Variants in KCND3 observed in about 807,000 individuals in gnomAD.
The protein encoded by KCND3 is potassium voltage-gated channel subfamily D member 3.
KCND3 carries 9 observed loss-of-function variants against 51.1 expected under a neutral mutation model. The ratio of observed to expected loss-of-function variants is 0.18; its 90% CI spans 0.11 to 0.31. KCND3 has a LOEUF of 0.31. Ranked by LOEUF, KCND3 falls within the 10% of genes least tolerant of loss-of-function variation. The pLI is 1.00. For missense variants in KCND3, 526 were observed against 903.8 expected (o/e 0.58, Z 5.36); for synonymous variants, 349 against 368.0 (o/e 0.95, Z 0.59).
chr1:111,809,966 C>A (rs1271232443), intron 2 of KCND3, among the ~76,000 whole-genome samples: 1 of 152,184 alleles, frequency 6.6e-6, no homozygotes, highest in Non-Finnish European at 1.5e-5. Flanking sequence ...TAGCCCCCTC[C>A]TGGGCTCTAA....
At chr1:111,858,114 C>T (rs1668169135) in intron 2 of KCND3, among the ~76,000 whole-genome samples, 1 of 152,194 alleles carries the variant, frequency 6.6e-6, no homozygotes, top group Non-Finnish European at 1.5e-5. Flanking sequence ...TGTGGCTGCC[C>T]AAGTTAGTGA....
intron 2 of KCND3, among the ~76,000 whole-genome samples, chr1:111,947,600 G>C (rs1252997761): frequency 6.6e-6 from 1 of 152,184 alleles, no homozygotes; most frequent in Non-Finnish European, 1.5e-5. Context: ...CAACACATGA[G>C]ACCATGTGTT....
intron 2 of KCND3, among the ~76,000 whole-genome samples, chr1:111,971,484 G>GGGC (rs1474587378): frequency 6.6e-6 from 1 of 152,152 alleles, no homozygotes; most frequent in African/African-American, 2.4e-5. Context: ...TTCCTACTGG[G>GGGC]GGCAGGTGCC....
intron 2 of KCND3, among the ~76,000 whole-genome samples, chr1:111,882,979 C>T (rs1669404079): frequency 6.6e-6 from 1 of 152,194 alleles, no homozygotes; most frequent in Admixed American, 6.5e-5. Context: ...CTTCCAGGCA[C>T]CTTCCTCGAG....
intron 2 of KCND3, among the ~76,000 whole-genome samples, chr1:111,896,682 A>G (rs904130073): frequency 1.3e-5 from 2 of 152,186 alleles, no homozygotes; most frequent in African/African-American, 4.8e-5. Flanking sequence ...GTGTGTTTAA[A>G]ATGCTGTACA....
chr1:111,778,016 T>C (rs76635535), intron 6 of KCND3, among the ~76,000 whole-genome samples: 2,691 of 152,170 alleles, frequency 0.018, 82 homozygotes, highest in African/African-American at 0.061. Context: ...ATCTATGGCA[T>C]TGATGGTCTG....
intron 2 of KCND3, among the ~76,000 whole-genome samples, chr1:111,845,692 GC>G (rs1312327126): frequency 6.6e-6 from 1 of 152,176 alleles, no homozygotes; most frequent in African/African-American, 2.4e-5. Flanking sequence ...CCTGTGAGGT[GC>G]TTCTATTATT....
chr1:111,846,418 TCTGCTG>T (rs55653915), intron 2 of KCND3, among the ~76,000 whole-genome samples: 19 of 150,828 alleles, frequency 1.3e-4, no homozygotes, highest in East Asian at 5.9e-4. Context: ...CATGACACTC[TCTGCTG>T]CTGCTGCTGC....
chr1:111,886,605 G>T (rs1433033435), intron 2 of KCND3, among the ~76,000 whole-genome samples: 1 of 152,202 alleles, frequency 6.6e-6, no homozygotes, highest in Non-Finnish European at 1.5e-5. Context: ...CCATGCAAAG[G>T]CTGCTTTGTG....
chr1:111,883,794 G>T (rs181983439), intron 2 of KCND3, among the ~76,000 whole-genome samples: 1 of 152,266 alleles, frequency 6.6e-6, no homozygotes, highest in East Asian at 1.9e-4. Context: ...TCTGATATTG[G>T]TGCTAGGATA....
At chr1:111,804,258 A>T (rs913224983) in intron 2 of KCND3, among the ~76,000 whole-genome samples, 10 of 152,236 alleles carry the variant, frequency 6.6e-5, no homozygotes, top group African/African-American at 2.2e-4. Flanking sequence ...CCCTGGCAGC[A>T]TGCTCTCCTT....
chr1:111,819,765 A>G (rs187875175), intron 2 of KCND3, among the ~76,000 whole-genome samples: 2 of 152,322 alleles, frequency 1.3e-5, no homozygotes, highest in East Asian at 3.9e-4. Context: ...AAGGTCTCCC[A>G]GCACCTGTCA....
intron 2 of KCND3, among the ~76,000 whole-genome samples, chr1:111,849,021 C>T (rs1667689911): frequency 1.3e-5 from 2 of 152,146 alleles, no homozygotes; most frequent in African/African-American, 4.8e-5. Flanking sequence ...TCCTCTCCTT[C>T]TCCCCCGCCG....
At chr1:111,867,748 T>C (rs1340315596) in intron 2 of KCND3, among the ~76,000 whole-genome samples, 1 of 152,192 alleles carries the variant, frequency 6.6e-6, no homozygotes, top group East Asian at 1.9e-4. Context: ...GGCACCTTGA[T>C]AGAGGTGAAG....
intron 2 of KCND3, among the ~76,000 whole-genome samples, chr1:111,793,552 A>G (rs1664932822): frequency 6.6e-6 from 1 of 152,222 alleles, no homozygotes; most frequent in Non-Finnish European, 1.5e-5. Flanking sequence ...TGTTTGTTGA[A>G]TGTATGAGTT....
rs1456549452 is a variant in KCND3, at chr1:111,780,724, C to T, written c.1337G>A (p.Arg446His). The change falls in exon 4 of 8, where the codon CGC (arginine) becomes CAC (histidine). Residue 446 changes from arginine to histidine, a missense_variant. Physicochemically the swap from Arg to His is conservative, Grantham distance 29 (BLOSUM62 0). Coordinates refer to ENST00000302127, the MANE Select transcript of KCND3 (RefSeq NM_001378969.1). The surrounding 1 kb of genome is among the most constrained non-coding windows in gnomAD (Gnocchi z 4.2). The part of the protein sequence containing the change: ...GSSNAYLHSK[R>H]NGLLNEALEL... ...CAGCGCCTCGTTGAGGAGCCCGTTG[C>T]GCTTGCTGTGCAGGTATGCATTCGA... is the stretch of plus-strand genomic sequence containing the variant. 13 of 1,612,832 alleles carry T rather than the reference C, an allele frequency of 8.1e-6. No individual in the cohort carries two copies. Among genetic ancestry groups the T allele is most frequent in the East Asian group, 4.5e-5 (2 of 44,874 alleles).
At chr1:111,938,448 G>A in intron 2 of KCND3, among the ~76,000 whole-genome samples, 1 of 152,188 alleles carries the variant, frequency 6.6e-6, no homozygotes, top group Non-Finnish European at 1.5e-5. Context: ...AAGCAGTGAA[G>A]TCCCTGCTTT....
At chr1:111,986,497 CA>C (rs1391874747) in intron 1 of KCND3, among the ~76,000 whole-genome samples, 1 of 152,218 alleles carries the variant, frequency 6.6e-6, no homozygotes. Flanking sequence ...CCCCAGGCAG[CA>C]ATGAGCAAGG....
intron 2 of KCND3, among the ~76,000 whole-genome samples, chr1:111,862,775 T>C (rs373493922): frequency 3.0e-4 from 46 of 152,334 alleles, no homozygotes; most frequent in Middle Eastern, 3.4e-3. Flanking sequence ...GAATCAGCTA[T>C]TATAGGTAAA....
Sources: gnomAD v4.1 joint callset for allele counts (sites outside exome capture counted in the v4.1 genomes callset) on GRCh38, gnomAD v4.1.1 for gene constraint, Gnocchi (gnomAD v3.1) non-coding constraint, MANE v1.5 for transcripts, NCBI Gene and HGNC (gene_info 2026-07-23, HGNC 2026-07-21) for gene names.